The following FAM78B variants were observed in gnomAD, a reference collection of about 807,000 sequenced individuals.
FAM78B encodes family with sequence similarity 78 member B, also known as protein FAM78B.
In FAM78B, 10 loss-of-function variants were observed where a neutral mutation model predicts 20.0. The observed-to-expected ratio is 0.50, with a 90% CI of 0.31 to 0.85. The LOEUF (loss-of-function observed/expected upper bound fraction) is 0.85. FAM78B is among the 40% of genes least tolerant of loss of function. The pLI is 0.05. For missense variants in FAM78B, 283 were observed against 345.0 expected, an observed-to-expected ratio of 0.82 and a Z score of 1.42; for synonymous variants, 135 against 132.8, an observed-to-expected ratio of 1.02 and a Z score of -0.12.
At chr1:166,084,239 T>TA (rs1557893568) in intron 1 of FAM78B, among the ~76,000 whole-genome samples, 1 of 67,782 alleles carries the variant, frequency 1.5e-5, no homozygotes, top group African/African-American at 4.8e-5. Context: ...ACACACACAC[T>TA]CTCTCTCTCT....
intron 1 of FAM78B, among the ~76,000 whole-genome samples, chr1:166,143,020 T>C (rs541551690): frequency 6.0e-4 from 91 of 152,138 alleles, no homozygotes; most frequent in Admixed American, 1.0e-3. Flanking sequence ...GCCAGATCAT[T>C]TGGGTTCAAA....
chr1:166,100,254 T>C (rs1179287612), intron 1 of FAM78B, among the ~76,000 whole-genome samples: 1 of 152,144 alleles, frequency 6.6e-6, no homozygotes, highest in East Asian at 1.9e-4. Flanking sequence ...AGTATACAGC[T>C]CCCAGCAGGA....
At chr1:166,086,111 C>T (rs1330499509) in intron 1 of FAM78B, among the ~76,000 whole-genome samples, 2 of 148,256 alleles carry the variant, frequency 1.3e-5, no homozygotes, top group African/African-American at 5.0e-5. Context: ...AGCTGAGGCT[C>T]AGGCTAAATG....
rs1651946194 is a variant in FAM78B at position 166,069,852 on chromosome 1, A to G, written c.*389T>C. On this transcript the variant is annotated 3_prime_UTR_variant, in exon 2 of 2. Transcript: ENST00000354422. Reference sequence around the variant, plus strand: ...ACGACCACCTGGTGTGGATGTTTTCACTCCTACTTCTAATTGGCTGGGAAG... The same window carrying G: ...ACGACCACCTGGTGTGGATGTTTTCGCTCCTACTTCTAATTGGCTGGGAAG... 2.4e-6 allele frequency: 1 copy of G among 422,192 alleles called. No individual in the cohort carries two copies. The highest frequency in any genetic ancestry group is 6.2e-5 in the Admixed American group (1 of 16,122). 26.2% of individuals were successfully genotyped at this position (422,192 alleles called of 1,614,324 possible). A position where few individuals can be genotyped will look rare whatever the true frequency, so the allele number is the denominator to read the frequency against.
At chr1:166,163,436 T>G (rs1248370199) in intron 1 of FAM78B, among the ~76,000 whole-genome samples, 1 of 152,256 alleles carries the variant, frequency 6.6e-6, no homozygotes, top group Non-Finnish European at 1.5e-5. Context: ...CTTTCAATCC[T>G]GTAAACAGGA....
At chr1:166,114,137 C>G (rs1378490048) in intron 1 of FAM78B, among the ~76,000 whole-genome samples, 1 of 152,246 alleles carries the variant, frequency 6.6e-6, no homozygotes, top group African/African-American at 2.4e-5. Flanking sequence ...ATGCTGGGCA[C>G]ACCTTTGGGT....
At chr1:166,117,306 G>A (rs1009504746) in intron 1 of FAM78B, among the ~76,000 whole-genome samples, 1 of 152,138 alleles carries the variant, frequency 6.6e-6, no homozygotes, top group Non-Finnish European at 1.5e-5. Flanking sequence ...TGCTGTTGCT[G>A]TAAATACAAC....
intron 1 of FAM78B, among the ~76,000 whole-genome samples, chr1:166,164,317 G>T (rs965178781): frequency 1.3e-5 from 2 of 152,198 alleles, no homozygotes; most frequent in African/African-American, 4.8e-5. Context: ...TGAGAGGAAG[G>T]GCTCTTGCCC....
chr1:166,097,487 C>G (rs1197368270), intron 1 of FAM78B, among the ~76,000 whole-genome samples: 1 of 152,200 alleles, frequency 6.6e-6, no homozygotes, highest in African/African-American at 2.4e-5. Flanking sequence ...ATATGGCTCT[C>G]CAACTGGAAA....
intron 1 of FAM78B, among the ~76,000 whole-genome samples, chr1:166,126,098 T>C (rs998679158): frequency 8.5e-5 from 13 of 152,188 alleles, no homozygotes; most frequent in African/African-American, 3.1e-4. Flanking sequence ...CCTCCCAAAG[T>C]GCTGGGATTA....
chr1:166,131,840 G>T (rs190292430), intron 1 of FAM78B, among the ~76,000 whole-genome samples: 3 of 152,348 alleles, frequency 2.0e-5, no homozygotes, highest in African/African-American at 7.2e-5. Context: ...CTGTCTAGGG[G>T]TGGGAGATGG....
chr1:166,112,063 C>T (rs1654076941), intron 1 of FAM78B, among the ~76,000 whole-genome samples: 1 of 152,220 alleles, frequency 6.6e-6, no homozygotes, highest in African/African-American at 2.4e-5. Context: ...GTTTCATCTC[C>T]AGAAGCAGCC....
At chr1:166,129,247 T>C (rs1654779648) in intron 1 of FAM78B, among the ~76,000 whole-genome samples, 2 of 152,254 alleles carry the variant, frequency 1.3e-5, no homozygotes, top group African/African-American at 4.8e-5. Flanking sequence ...AAGCAGCATA[T>C]GGCATGTGCT....
At chr1:166,155,996 T>G (rs990630538) in intron 1 of FAM78B, among the ~76,000 whole-genome samples, 2 of 152,172 alleles carry the variant, frequency 1.3e-5, no homozygotes, top group African/African-American at 4.8e-5. Context: ...CTCTGCCTGC[T>G]CCTTCGGGAT....
intron 1 of FAM78B, among the ~76,000 whole-genome samples, chr1:166,079,915 G>C (rs1652497973): frequency 6.6e-6 from 1 of 152,166 alleles, no homozygotes; most frequent in African/African-American, 2.4e-5. Flanking sequence ...TTCCAACCTG[G>C]AATGTTTTCC....
intron 1 of FAM78B, among the ~76,000 whole-genome samples, chr1:166,153,461 A>G (rs2101799994): frequency 6.6e-6 from 1 of 152,370 alleles, no homozygotes; most frequent in African/African-American, 2.4e-5. Flanking sequence ...AAATACTGAG[A>G]ATCAGGCAGC....
intron 1 of FAM78B, among the ~76,000 whole-genome samples, chr1:166,091,206 A>C (rs952052837): frequency 3.3e-5 from 5 of 152,132 alleles, no homozygotes; most frequent in Admixed American, 6.5e-5. Context: ...TCAAGGCTGA[A>C]GGGGAGGTGG....
intron 1 of FAM78B, among the ~76,000 whole-genome samples, chr1:166,129,623 C>T (rs1464009017): frequency 1.3e-5 from 2 of 152,208 alleles, no homozygotes; most frequent in African/African-American, 4.8e-5. Context: ...CTCTTGTCTT[C>T]TCCTGTTCTA....
At chr1:166,109,308 G>C (rs577496270) in intron 1 of FAM78B, among the ~76,000 whole-genome samples, 1 of 151,882 alleles carries the variant, frequency 6.6e-6, no homozygotes, top group Non-Finnish European at 1.5e-5. Flanking sequence ...AAACAAATCA[G>C]TAAGAAAAAA....
Sources: gnomAD v4.1 joint callset for allele counts (sites outside exome capture counted in the v4.1 genomes callset) on GRCh38, gnomAD v4.1.1 for gene constraint, MANE v1.5 for transcripts, NCBI Gene and HGNC (gene_info 2026-07-23, HGNC 2026-07-21) for gene names.